The following SASS6 variants were observed in gnomAD, a reference collection of about 807,000 sequenced individuals.
SASS6 encodes the protein SAS-6 centriolar assembly protein.
In SASS6, 59 loss-of-function variants were observed where a neutral mutation model predicts 94.9. That is an observed-to-expected ratio of 0.62 (90% CI 0.50 to 0.77). SASS6 has a LOEUF of 0.77. Among genes scored for constraint, SASS6 ranks in the 30% least tolerant of loss-of-function variants. The pLI is 0.00. For synonymous variants in SASS6, 264 were observed against 270.0 expected, an observed-to-expected ratio of 0.98 and a Z score of 0.22; for missense variants, 698 against 734.1, an observed-to-expected ratio of 0.95 and a Z score of 0.57.
chr1:100,107,698 C>T lies in SASS6; in HGVS notation c.1076G>A (p.Gly359Asp). 1 of 1,602,472 alleles carries T rather than the reference C, an allele frequency of 6.2e-7. No homozygotes were observed. Among genetic ancestry groups the T allele is most frequent in the Non-Finnish European group, 8.5e-7 (1 of 1,172,558 alleles). Reference protein sequence around the residue: ...QEQKVVLEENGEKNQVQLGKL... With the variant: ...QEQKVVLEENDEKNQVQLGKL... ...TCCTAGTTGTACTTGATTTTTCTCA[C>T]CATTTTCTTCTAAAACCACCTGATA... Residue 359 changes from glycine to aspartate, a missense_variant, in exon 10 of 17, where the codon GGT becomes GAT. Physicochemically the swap from Gly to Asp is moderately conservative, Grantham distance 94. Transcript: ENST00000287482.
In SASS6 at chr1:100,085,397, T is replaced by C. The variant is rs1651165141; in HGVS notation, c.1905A>G (p.Thr635=). The C allele has an allele frequency of 1.2e-6, 2 of 1,613,538 alleles. No individual in the cohort carries two copies. Among genetic ancestry groups the C allele is most frequent in the South Asian group, 2.2e-5 (2 of 91,076 alleles). ...AGGGGAGCGCTGTGGGTTTGGAAGA[T>C]GTATGTAATGCTCCTAAAGTGCCAT... ...QRDGTLGALH[T]SSKPTALPSA... is the part of the protein sequence containing the mutation. The change falls in exon 17 of 17, where the codon ACA becomes ACG. Residue 635 remains threonine (T), a synonymous_variant. Transcript: ENST00000287482.
At chr1:100,105,398 G>A (rs377031679) in intron 13 of SASS6, among the ~76,000 whole-genome samples, 1 of 151,956 alleles carries the variant, frequency 6.6e-6, no homozygotes, top group Non-Finnish European at 1.5e-5. Flanking sequence ...GTGGTGGTGG[G>A]CGCCTATAGT....
At chr1:100,115,110 T>A (rs548531670) in intron 7 of SASS6, among the ~76,000 whole-genome samples, 16 of 152,106 alleles carry the variant, frequency 1.1e-4, no homozygotes, top group Non-Finnish European at 2.2e-4. Context: ...AGGACACTAA[T>A]CATAGGAAGA....
chr1:100,117,353 G>A (rs1253341509), intron 7 of SASS6, among the ~76,000 whole-genome samples: 3 of 150,778 alleles, frequency 2.0e-5, no homozygotes, highest in Admixed American at 6.6e-5. Context: ...CTACAAAGCA[G>A]TAGAAAATAA....
intron 15 of SASS6, among the ~76,000 whole-genome samples, chr1:100,086,110 C>G (rs1480361726): frequency 7.2e-6 from 1 of 139,580 alleles, no homozygotes; most frequent in Non-Finnish European, 1.6e-5. Context: ...ATGAGAAAAT[C>G]TGGGGGAGAA....
At chr1:100,105,370 A>G (rs773772647) in intron 13 of SASS6, among the ~76,000 whole-genome samples, 9 of 152,138 alleles carry the variant, frequency 5.9e-5, no homozygotes, top group Non-Finnish European at 1.2e-4. Context: ...TACTAAAAAT[A>G]CAAAAAATTA....
chr1:100,123,129 G>C, intron 3 of SASS6, 81 bp downstream of exon 3: 1 of 629,674 alleles, frequency 1.6e-6, no homozygotes. Context: ...ATGTAGGTAT[G>C]TGTTTGAAAG....
chr1:100,119,261 T>C (rs1343531757), intron 6 of SASS6, 124 bp from the exon 7 acceptor site: 15 of 477,246 alleles, frequency 3.1e-5, no homozygotes. Flanking sequence ...CAGGACATGT[T>C]CAAAGCCTTT....
chr1:100,130,359 T>C (rs1361431728), intron 1 of SASS6, among the ~76,000 whole-genome samples: 1 of 152,192 alleles, frequency 6.6e-6, no homozygotes, highest in African/African-American at 2.4e-5. Context: ...CCAGTATTTG[T>C]TGAGCTGAAC....
intron 14 of SASS6, among the ~76,000 whole-genome samples, 158 bp from the exon 15 acceptor site, chr1:100,088,394 G>A (rs944083492): frequency 6.6e-6 from 1 of 152,058 alleles, no homozygotes; most frequent in Non-Finnish European, 1.5e-5. Context: ...GGGCTCAAGC[G>A]ATCCTCCCAC....
chr1:100,122,360 A>C lies in SASS6; in HGVS notation c.311+20T>G. 1.0e-6 allele frequency: 1 copy of C among 1,004,560 alleles called. No homozygotes were observed. Among genetic ancestry groups the C allele is most frequent in the Non-Finnish European group, 1.6e-6 (1 of 641,882 alleles). The allele number at this position is 1,004,560 out of a possible 1,614,324, so 62.2% of individuals were successfully genotyped here. On this transcript the variant is annotated intron_variant, in intron 4 of 16. Transcript: ENST00000287482. ...TGTCTTGAATTAAATTTAATAATGT[A>C]GCATTCTCATGCAACTTACCTTGGA...
At chr1:100,131,173 A>G (rs1038494744) in intron 1 of SASS6, among the ~76,000 whole-genome samples, 4 of 151,898 alleles carry the variant, frequency 2.6e-5, no homozygotes, top group African/African-American at 9.7e-5. Flanking sequence ...CCAGGTATGT[A>G]ATTTTAATTT....
chr1:100,097,763 G>A (rs140921059), intron 14 of SASS6, among the ~76,000 whole-genome samples: 2 of 152,224 alleles, frequency 1.3e-5, no homozygotes, highest in African/African-American at 2.4e-5. Flanking sequence ...CAGGGAGGTC[G>A]AGGCTGCAAT....
chr1:100,096,768 G>T (rs1031669392), intron 14 of SASS6, among the ~76,000 whole-genome samples: 3 of 152,148 alleles, frequency 2.0e-5, no homozygotes, highest in African/African-American at 7.2e-5. Flanking sequence ...TGTTAAATAA[G>T]CACATGAATA....
Position 100,121,459 on chromosome 1 carries a change from A to C in SASS6, c.402T>G (p.Leu134=). 11 of 1,600,046 alleles carry C rather than the reference A, an allele frequency of 6.9e-6. No homozygotes were observed. Among genetic ancestry groups the C allele is most frequent in the Non-Finnish European group, 9.4e-6 (11 of 1,169,766 alleles). The change falls in exon 5 of 17, where the codon CTT becomes CTG. Residue 134 remains leucine (L), a synonymous_variant. Transcript: ENST00000287482. ...NVVETNPFKH[L]THLSLKLLPG... ...GTAAAAGTTTTAGTGAGAGGTGTGT[A>C]AGATGCTTAAAAGGATTTGTCTCTA...
At position 100,107,987 on chromosome 1, in the gene SASS6, C is replaced by G. The variant is rs1653038735; in HGVS notation, c.879G>C (p.Lys293Asn). The change falls in exon 9 of 17, where the codon AAG (lysine) becomes AAC (asparagine). Residue 293 changes from lysine (K) to asparagine (N), a missense_variant. Lys to Asn is a moderately conservative substitution (Grantham distance 94). Coordinates refer to ENST00000287482, the MANE Select transcript of SASS6 (RefSeq NM_194292.3). The part of the protein sequence containing the change: ...SGVEEELQRT[K>N]QEVLSLRREN... ...CTCTTCGCAAAGAGAGGACTTCTTG[C>G]TTAGTCCGCTGTAGCTCCTAGAATG... The G allele has an allele frequency of 6.2e-7, 1 of 1,608,080 alleles. No homozygotes were observed. Among genetic ancestry groups the G allele is most frequent in the Admixed American group, 1.7e-5 (1 of 59,774 alleles).
chr1:100,123,538 T>A (rs1654357407), intron 2 of SASS6, among the ~76,000 whole-genome samples: 1 of 152,188 alleles, frequency 6.6e-6, no homozygotes, highest in Admixed American at 6.5e-5. Flanking sequence ...GAGTTGAAAG[T>A]TTAGGAATAT....
At chr1:100,113,663 A>G (rs1002568118) in intron 7 of SASS6, among the ~76,000 whole-genome samples, 3 of 151,896 alleles carry the variant, frequency 2.0e-5, no homozygotes, top group Non-Finnish European at 4.4e-5. Flanking sequence ...AAGAAAAGGT[A>G]GTAAATAGAA....
chr1:100,107,377 T>C lies in SASS6; in HGVS notation c.1323A>G (p.Gln441=), dbSNP rs1200562869. 6.3e-7 allele frequency: 1 copy of C among 1,577,368 alleles called. No individual in the cohort carries two copies. The part of the protein sequence containing the change: ...DVGQSLRIKE[Q]EVCKLQEQLE... ...AAAAATTTAAAATATTAACTACCTC[T>C]TGCTCTTTAATTCGAAGAGACTGTC... The change falls in exon 11 of 17, where the codon CAA becomes CAG. Residue 441 remains glutamine (Q), a synonymous_variant. Coordinates refer to ENST00000287482, the MANE Select transcript of SASS6 (RefSeq NM_194292.3).
Sources: allele counts gnomAD v4.1 joint callset (sites outside exome capture counted in the v4.1 genomes callset), GRCh38; gene constraint gnomAD v4.1.1; transcripts MANE v1.5; gene names NCBI Gene and HGNC (gene_info 2026-07-23, HGNC 2026-07-21).